Variants in OAF observed in about 807,000 individuals in gnomAD.
OAF encodes the protein out at first homolog.
OAF carries 13 observed loss-of-function variants against 22.5 expected under a neutral mutation model. The ratio of observed to expected loss-of-function variants is 0.58; its 90% CI spans 0.38 to 0.92. OAF has a LOEUF of 0.92. Ranked by LOEUF, OAF falls within the 40% of genes least tolerant of loss-of-function variation. The pLI, the probability that OAF is intolerant of heterozygous loss-of-function variation, is 0.00. For missense variants in OAF, 347 were observed against 381.8 expected, an observed-to-expected ratio of 0.91 and a Z score of 0.76; for synonymous variants, 175 against 170.5, an observed-to-expected ratio of 1.03 and a Z score of -0.21.
intron 1 of OAF, among the ~76,000 whole-genome samples, chr11:120,215,212 G>A: frequency 6.6e-6 from 1 of 152,142 alleles, no homozygotes; most frequent in Non-Finnish European, 1.5e-5. Context: ...AAATTAGCTG[G>A]GCATGGTGGC....
chr11:120,216,529 C>T (rs952277156), intron 1 of OAF, among the ~76,000 whole-genome samples: 2 of 152,182 alleles, frequency 1.3e-5, no homozygotes, highest in African/African-American at 4.8e-5. Context: ...GGCTCACTGA[C>T]ATGGGGCTCC....
chr11:120,211,847 TCTCGCTGTGGG>T (rs1938153435), intron 1 of OAF, among the ~76,000 whole-genome samples: 1 of 152,168 alleles, frequency 6.6e-6, no homozygotes, highest in Admixed American at 6.5e-5. Flanking sequence ...GGCGAAGTGT[TCTCGCTGTGGG>T]CTCTCACTGT....
At chr11:120,225,385 G>A (rs1056930376) in intron 1 of OAF, among the ~76,000 whole-genome samples, 6 of 152,172 alleles carry the variant, frequency 3.9e-5, no homozygotes, top group Non-Finnish European at 5.9e-5. Flanking sequence ...TCAGGGTGAC[G>A]TTAAGGGGTT....
At chr11:120,225,856 T>C in intron 2 of OAF, 61 bp downstream of exon 2, 1 of 1,501,652 alleles carries the variant, frequency 6.7e-7, no homozygotes, top group South Asian at 1.2e-5. Context: ...CCGGCCCAGA[T>C]CCCATCCCGC....
At chr11:120,223,030 A>C (rs566893974) in intron 1 of OAF, among the ~76,000 whole-genome samples, 37 of 152,330 alleles carry the variant, frequency 2.4e-4, no homozygotes, top group African/African-American at 8.4e-4. Flanking sequence ...TAGTTGCAGG[A>C]ACCACGAGCC....
At chr11:120,226,692 C>T in intron 2 of OAF, 124 bp from the exon 3 acceptor site, 1 of 811,974 alleles carries the variant, frequency 1.2e-6, no homozygotes, top group Non-Finnish European at 1.9e-6. Context: ...GGGCTGCCAC[C>T]CTGCAGATGG....
Position 120,230,050 on chromosome 11 carries a change from A to C in OAF, c.*908A>C, listed in dbSNP as rs542401993. 9.8e-5 allele frequency: 15 copies of C among 152,366 alleles called. No homozygotes were observed. Among genetic ancestry groups the C allele is most frequent in the African/African-American group, 1.2e-4 (5 of 41,558 alleles). 9.4% of individuals were successfully genotyped at this position (152,366 alleles called of 1,614,324 possible). A position where few individuals can be genotyped will look rare whatever the true frequency, so the allele number is the denominator to read the frequency against. On this transcript the variant is annotated 3_prime_UTR_variant, in exon 4 of 4. Transcript: ENST00000328965. ...CCTATCTTGGAACAAGAACTTCGAA[A>C]GCACCTACTGTGTGCTCAGCCATTT...
intron 1 of OAF, among the ~76,000 whole-genome samples, chr11:120,220,314 CCAGCCTCAT>C (rs1749819929): frequency 6.6e-6 from 1 of 152,160 alleles, no homozygotes; most frequent in Admixed American, 6.5e-5. Context: ...TGACCCCTTG[CCAGCCTCAT>C]CAGCACTCAC....
chr11:120,226,956 C>T lies in OAF; in HGVS notation c.507C>T (p.Ile169=). ...HNVCAEAVDA[I]YTRQEDVRFW... is the part of the protein sequence containing the mutation. Reference sequence around the variant, plus strand: ...TGTGTGCCGAGGCCGTGGATGCCATCTACACCCGCCAGGAGGATGTCCGGT... The same window carrying T: ...TGTGTGCCGAGGCCGTGGATGCCATTTACACCCGCCAGGAGGATGTCCGGT... Residue 169 remains isoleucine (I), a synonymous_variant, in exon 3 of 4, where the codon ATC becomes ATT. Transcript: ENST00000328965. 1 of 1,607,818 alleles carries T rather than the reference C, an allele frequency of 6.2e-7. No individual in the cohort carries two copies. The highest frequency in any genetic ancestry group is 8.5e-7 in the Non-Finnish European group (1 of 1,175,036).
intron 1 of OAF, among the ~76,000 whole-genome samples, chr11:120,222,009 T>G (rs1163684617): frequency 1.3e-5 from 2 of 152,224 alleles, no homozygotes; most frequent in African/African-American, 2.4e-5. Flanking sequence ...AACAGATTCC[T>G]GGGCAAGGAG....
chr11:120,219,724 TCA>T (rs1938257377), intron 1 of OAF, among the ~76,000 whole-genome samples: 1 of 152,182 alleles, frequency 6.6e-6, no homozygotes, highest in South Asian at 2.1e-4. Context: ...ATCACTGGAC[TCA>T]GAGTCAGGAG....
intron 2 of OAF, 84 bp from the exon 3 acceptor site, chr11:120,226,732 G>A: frequency 7.6e-7 from 1 of 1,323,074 alleles, no homozygotes; most frequent in East Asian, 2.4e-5. Context: ...GTCAGCTTGG[G>A]CTCGCCTGAC....
intron 1 of OAF, among the ~76,000 whole-genome samples, chr11:120,211,720 A>T (rs1938151497): frequency 6.8e-6 from 1 of 147,696 alleles, no homozygotes; most frequent in African/African-American, 2.5e-5. Context: ...TCCCTTTCTC[A>T]CTCCCTCCTC....
chr11:120,225,226 A>G (rs1591360470), intron 1 of OAF, among the ~76,000 whole-genome samples: 1 of 152,108 alleles, frequency 6.6e-6, no homozygotes, highest in South Asian at 2.1e-4. Flanking sequence ...CTCTCCCCAG[A>G]TCTACTGAAT....
chr11:120,228,816 C>T (rs1422964254), intron 3 of OAF, 52 bp from the exon 4 acceptor site: 1 of 736,638 alleles, frequency 1.4e-6, no homozygotes, highest in African/African-American at 1.7e-5. Context: ...ACTAGGGGAG[C>T]TCCTTCCCTC....
In OAF at chr11:120,229,415, A is replaced by C; in HGVS notation, c.*273A>C. 1 of 469,900 alleles carries C rather than the reference A, an allele frequency of 2.1e-6. No individual in the cohort carries two copies. The highest frequency in any genetic ancestry group is 4.0e-6 in the Non-Finnish European group (1 of 252,992). 29.1% of individuals were successfully genotyped at this position (469,900 alleles called of 1,614,324 possible). ...CCAGATCTACACCCCTCCCTCCTGC[A>C]TCTCCCCTGGAGTGTTCACTTGCAA... On this transcript the variant is annotated 3_prime_UTR_variant, in exon 4 of 4. Transcript: ENST00000328965.
At chr11:120,224,196 C>T (rs900426740) in intron 1 of OAF, among the ~76,000 whole-genome samples, 7 of 152,336 alleles carry the variant, frequency 4.6e-5, no homozygotes, top group African/African-American at 1.7e-4. Flanking sequence ...TACTTCCATA[C>T]CTCATCGTTC....
intron 3 of OAF, among the ~76,000 whole-genome samples, chr11:120,227,819 A>G (rs899689646): frequency 6.6e-6 from 1 of 151,822 alleles, no homozygotes; most frequent in Non-Finnish European, 1.5e-5. Flanking sequence ...GAAATACCCA[A>G]CCAAGCTGTG....
intron 1 of OAF, among the ~76,000 whole-genome samples, chr11:120,223,546 G>C (rs778720697): frequency 6.6e-6 from 1 of 152,170 alleles, no homozygotes; most frequent in Non-Finnish European, 1.5e-5. Flanking sequence ...CCCCCTGTCA[G>C]TTCCCATTTT....
Sources: gnomAD v4.1 joint callset for allele counts (sites outside exome capture counted in the v4.1 genomes callset) on GRCh38, gnomAD v4.1.1 for gene constraint, MANE v1.5 for transcripts, NCBI Gene and HGNC (gene_info 2026-07-23, HGNC 2026-07-21) for gene names.